Variants in VTI1A observed in about 807,000 individuals in gnomAD.
VTI1A encodes vesicle transport through interaction with t-SNAREs homolog 1A.
In VTI1A, 22 loss-of-function variants were observed where a neutral mutation model predicts 34.9. The ratio of observed to expected loss-of-function variants is 0.63; its 90% CI spans 0.45 to 0.90. The LOEUF is 0.90. Ranked by LOEUF, VTI1A falls within the 40% of genes least tolerant of loss-of-function variation. The pLI is 0.00. For missense variants in VTI1A, 268 were observed against 275.6 expected (o/e 0.97, Z 0.20); for synonymous variants, 87 against 97.3 (o/e 0.89, Z 0.62).
intron 3 of VTI1A, among the ~76,000 whole-genome samples, chr10:112,504,165 A>G (rs1849340067): frequency 6.6e-6 from 1 of 152,198 alleles, no homozygotes; most frequent in Admixed American, 6.5e-5. Context: ...TTCTGCCAGT[A>G]TGATGAAAAT....
intron 1 of VTI1A, among the ~76,000 whole-genome samples, chr10:112,451,557 G>A (rs913481812): frequency 6.6e-6 from 1 of 152,206 alleles, no homozygotes; most frequent in African/African-American, 2.4e-5. Context: ...ATTTGGAACT[G>A]GGCTTTGAAC....
intron 5 of VTI1A, among the ~76,000 whole-genome samples, chr10:112,634,940 T>C (rs1317456948): frequency 2.6e-5 from 4 of 152,206 alleles, no homozygotes; most frequent in Non-Finnish European, 5.9e-5. Flanking sequence ...GGTTGAATCC[T>C]GGACTGAGTG....
intron 5 of VTI1A, among the ~76,000 whole-genome samples, chr10:112,544,318 C>A (rs1319095008): frequency 6.6e-6 from 1 of 152,148 alleles, no homozygotes; most frequent in East Asian, 1.9e-4. Flanking sequence ...GCAATGTCCA[C>A]CTCCTGGTTC....
At chr10:112,604,513 G>A (rs1844998890) in intron 5 of VTI1A, among the ~76,000 whole-genome samples, 1 of 152,112 alleles carries the variant, frequency 6.6e-6, no homozygotes. Flanking sequence ...ATAAGTATAT[G>A]AGAAAATCAG....
chr10:112,601,439 T>TTA (rs34115828), intron 5 of VTI1A, among the ~76,000 whole-genome samples: 2 of 151,710 alleles, frequency 1.3e-5, no homozygotes, highest in Admixed American at 6.6e-5. Context: ...TTTTTTTTTT[T>TTA]AATTTAAATG....
At chr10:112,842,043 TTTTTTTC>T in the VTI1A span, among the ~76,000 whole-genome samples, 13 of 137,460 alleles carry the variant, frequency 9.5e-5, no homozygotes, top group African/African-American at 3.6e-4. Flanking sequence ...TTTTCTTTTT[TTTTTTTC>T]CTTTTTTTTT....
chr10:112,786,046 G>A (rs191346865), intron 7 of VTI1A, among the ~76,000 whole-genome samples: 181 of 152,196 alleles, frequency 1.2e-3, no homozygotes, highest in African/African-American at 4.2e-3. Context: ...AATAAGGATT[G>A]CATTGAGTTG....
intron 1 of VTI1A, among the ~76,000 whole-genome samples, chr10:112,451,438 C>T (rs1416248211): frequency 6.6e-6 from 1 of 152,342 alleles, no homozygotes; most frequent in East Asian, 1.9e-4. Flanking sequence ...ACTCTTAAAT[C>T]TTACACTTCA....
intron 7 of VTI1A, among the ~76,000 whole-genome samples, chr10:112,752,878 A>G (rs928847427): frequency 2.0e-5 from 3 of 152,120 alleles, no homozygotes; most frequent in East Asian, 1.9e-4. Flanking sequence ...GCTCACTTAC[A>G]TGGACTTGTT....
downstream of VTI1A, among the ~76,000 whole-genome samples, chr10:112,820,780 C>A (rs892757702): frequency 6.6e-6 from 1 of 152,134 alleles, no homozygotes; most frequent in Non-Finnish European, 1.5e-5. Flanking sequence ...TAACAAGGAG[C>A]CAGCTTACCA....
intron 7 of VTI1A, among the ~76,000 whole-genome samples, chr10:112,762,231 G>A (rs1316106334): frequency 6.6e-6 from 1 of 152,188 alleles, no homozygotes; most frequent in Non-Finnish European, 1.5e-5. Context: ...GCTCATAGGG[G>A]ATGCTAGAGC....
At chr10:112,527,267 C>A in intron 4 of VTI1A, 103 bp downstream of exon 4, 1 of 910,610 alleles carries the variant, frequency 1.1e-6, no homozygotes, top group Non-Finnish European at 1.7e-6. Flanking sequence ...AGCAGCAACT[C>A]ATGTGGAAGC....
intron 7 of VTI1A, among the ~76,000 whole-genome samples, chr10:112,806,063 A>G (rs1345214455): frequency 2.0e-5 from 3 of 152,114 alleles, no homozygotes; most frequent in African/African-American, 7.2e-5. Flanking sequence ...GACCTAATCT[A>G]GATATGCCAG....
intron 3 of VTI1A, among the ~76,000 whole-genome samples, chr10:112,492,162 T>C (rs1056262081): frequency 3.3e-5 from 5 of 152,202 alleles, no homozygotes; most frequent in African/African-American, 1.2e-4. Context: ...TTCTGTCGTC[T>C]CCAATCTCCC....
intron 4 of VTI1A, among the ~76,000 whole-genome samples, chr10:112,536,747 C>T (rs1349032405): frequency 1.4e-5 from 2 of 147,722 alleles, no homozygotes; most frequent in African/African-American, 2.5e-5. Context: ...GATTCTCACC[C>T]CCCCACCCTT....
At position 112,688,200 on chromosome 10, in the gene VTI1A, C is replaced by T. The variant is rs538234877; in HGVS notation, c.560+19202C>T. Reference sequence around the variant, plus strand: ...AACTCCTGACCTCAGGTAATCTGCCCGCCTCAGCCTCCCAAAGTGCTGGGA... The same window carrying T: ...AACTCCTGACCTCAGGTAATCTGCCTGCCTCAGCCTCCCAAAGTGCTGGGA... On this transcript the variant is annotated intron_variant, in intron 7 of 7. Coordinates refer to ENST00000393077, the MANE Select transcript of VTI1A (RefSeq NM_145206.4). Among the ~76,000 whole-genome samples, 14 of 151,834 alleles carry T rather than the reference C, an allele frequency of 9.2e-5. No homozygotes were observed. The East Asian group carries it at 2.5e-3, about 27-fold the overall frequency.
At chr10:112,548,117 C>T (rs1851205352) in intron 5 of VTI1A, among the ~76,000 whole-genome samples, 2 of 152,080 alleles carry the variant, frequency 1.3e-5, no homozygotes, top group South Asian at 4.1e-4. Context: ...TTTCCTAAGT[C>T]GTCTCATTAT....
intron 7 of VTI1A, among the ~76,000 whole-genome samples, chr10:112,714,738 G>T (rs1434731887): frequency 6.6e-6 from 1 of 152,188 alleles, no homozygotes; most frequent in African/African-American, 2.4e-5. Flanking sequence ...GGCACAGGAG[G>T]ATCAGGAAAA....
chr10:112,643,187 G>C (rs570578557), intron 5 of VTI1A, among the ~76,000 whole-genome samples: 2 of 136,514 alleles, frequency 1.5e-5, no homozygotes, highest in East Asian at 4.1e-4. Flanking sequence ...TGTAGAGACA[G>C]AGTTTCACCA....
Sources: gnomAD v4.1 joint callset for allele counts (sites outside exome capture counted in the v4.1 genomes callset) on GRCh38, gnomAD v4.1.1 for gene constraint, MANE v1.5 for transcripts, NCBI Gene and HGNC (gene_info 2026-07-23, HGNC 2026-07-21) for gene names.